The following BIN1 variants were observed in gnomAD, a reference collection of about 807,000 sequenced individuals.
BIN1 encodes the protein myc box-dependent-interacting protein 1.
In BIN1, 53 loss-of-function variants were observed where a neutral mutation model predicts 82.0. The observed-to-expected ratio is 0.65, with a 90% CI of 0.52 to 0.81. The LOEUF (loss-of-function observed/expected upper bound fraction) is 0.81. Among genes scored for constraint, BIN1 ranks in the 40% least tolerant of loss-of-function variants. The pLI is 0.00. For missense variants in BIN1, 642 were observed against 784.4 expected (o/e 0.82, Z 2.17); for synonymous variants, 302 against 328.0 (o/e 0.92, Z 0.86).
rs1267741868 is a variant in BIN1 at position 127,070,569 on chromosome 2, G to T, written c.299C>A (p.Ala100Glu). ...YEPDWPGRDE[A>E]NKIAENNDLL... ...CATGCTCACCTCTGCGATCTTGTTT[G>T]CCTCATCCCTGCCGGGCCAATCGGG... The change falls in exon 4 of 19, where the codon GCA becomes GAA. Residue 100 changes from alanine to glutamate, a missense_variant. Coordinates refer to ENST00000316724, the MANE Select transcript of BIN1 (RefSeq NM_139343.3). The T allele has an allele frequency of 6.2e-7, 1 of 1,614,094 alleles. No individual in the cohort carries two copies. Among genetic ancestry groups the T allele is most frequent in the South Asian group, 1.1e-5 (1 of 91,074 alleles).
intron 1 of BIN1, among the ~76,000 whole-genome samples, chr2:127,098,822 G>A (rs1397313277): frequency 1.3e-5 from 2 of 152,236 alleles, no homozygotes; most frequent in African/African-American, 2.4e-5. Context: ...GCAGAGGACC[G>A]AGGCCAAGCC....
chr2:127,068,081 C>T lies in BIN1; in HGVS notation c.612+82G>A. The stretch of plus-strand genomic sequence containing the variant: ...TGCCCCAGCTGGGCTCAGATGCCAG[C>T]CCTGCATTCCACCGCAGGGCGAGAG... On this transcript the variant is annotated intron_variant, in intron 7 of 18. Coordinates refer to ENST00000316724, the MANE Select transcript of BIN1 (RefSeq NM_139343.3). The surrounding 1 kb of genome is among the most constrained non-coding windows in gnomAD (Gnocchi z 4.9). The T allele has an allele frequency of 7.1e-7, 1 of 1,408,064 alleles. No homozygotes were observed. The highest frequency in any genetic ancestry group is 9.9e-7 in the Non-Finnish European group (1 of 1,013,424). 87.2% of individuals were successfully genotyped at this position (1,408,064 alleles called of 1,614,324 possible). A position where few individuals can be genotyped will look rare whatever the true frequency, so the allele number is the denominator to read the frequency against.
At chr2:127,081,926 C>CG in intron 1 of BIN1, 1 of 1,260,024 alleles carries the variant, frequency 7.9e-7, no homozygotes, top group Non-Finnish European at 1.0e-6. Flanking sequence ...AGCCTGCGGT[C>CG]GGGGGCCACG....
rs1456419884 is a variant in BIN1, at chr2:127,067,802, C to A, written c.612+361G>T. Among the ~76,000 whole-genome samples the A allele has an allele frequency of 2.0e-5, 3 of 152,194 alleles. No homozygotes were observed. Among genetic ancestry groups the A allele is most frequent in the Non-Finnish European group, 1.5e-5 (1 of 68,046 alleles). The stretch of plus-strand genomic sequence containing the variant: ...CATGTGGCTTGAAGGACAGGCATGG[C>A]AGTACAGGGGCCTGATGATGTCGCC... On this transcript the variant is annotated intron_variant, in intron 7 of 18. Transcript: ENST00000316724. This position sits in a 1 kb window ranked among gnomAD's most constrained non-coding sequence, Gnocchi z 4.7.
intron 2 of BIN1, among the ~76,000 whole-genome samples, chr2:127,073,303 T>C (rs1444688477): frequency 6.6e-6 from 1 of 151,202 alleles, no homozygotes; most frequent in Non-Finnish European, 1.5e-5. Flanking sequence ...TACAGAGCAG[T>C]GTGTGTTTGC....
chr2:127,057,342 G>T lies in BIN1; in HGVS notation c.1131+131C>A. ...ATGATGGATGGAGGGAACAAAGGGT[G>T]AGAGAGGGAAACTGACACTCTCTCT... On this transcript the variant is annotated intron_variant, in intron 12 of 18. Coordinates refer to ENST00000316724, the MANE Select transcript of BIN1 (RefSeq NM_139343.3). The surrounding 1 kb of genome is among the most constrained non-coding windows in gnomAD (Gnocchi z 5.0). The T allele has an allele frequency of 8.0e-7, 1 of 1,249,312 alleles. No individual in the cohort carries two copies. The highest frequency in any genetic ancestry group is 1.1e-6 in the Non-Finnish European group (1 of 939,952). The allele number at this position is 1,249,312 out of a possible 1,614,324, so 77.4% of individuals were successfully genotyped here.
chr2:127,098,582 C>T (rs1679901598), intron 1 of BIN1, among the ~76,000 whole-genome samples: 1 of 151,756 alleles, frequency 6.6e-6, no homozygotes, highest in South Asian at 2.1e-4. Flanking sequence ...GTTGCTGTGA[C>T]CCCAATCCCA....
chr2:127,073,283 T>G (rs1284426815), intron 2 of BIN1, among the ~76,000 whole-genome samples: 1 of 152,142 alleles, frequency 6.6e-6, no homozygotes, highest in Admixed American at 6.5e-5. Context: ...CAGGGCAGCG[T>G]CCAGGCCAGT....
chr2:127,053,377 A>G (rs1250114836), intron 14 of BIN1, 45 bp downstream of exon 14: 1 of 1,612,644 alleles, frequency 6.2e-7, no homozygotes, highest in Non-Finnish European at 8.5e-7. Context: ...CATACGGAAG[A>G]GTGGCTCCCC....
At chr2:127,058,213 G>A (rs1359928763) in intron 11 of BIN1, among the ~76,000 whole-genome samples, 1 of 152,240 alleles carries the variant, frequency 6.6e-6, no homozygotes, top group Non-Finnish European at 1.5e-5. Context: ...TCATGCATCA[G>A]GTGATGACAG....
intron 2 of BIN1, among the ~76,000 whole-genome samples, chr2:127,074,868 AATTTTTGT>A (rs1686389007): frequency 6.6e-6 from 1 of 152,100 alleles, no homozygotes; most frequent in Admixed American, 6.5e-5. Flanking sequence ...ACGCCTGGCT[AATTTTTGT>A]ATTTTTAGTA....
chr2:127,089,064 G>A (rs1678570325), intron 1 of BIN1, among the ~76,000 whole-genome samples: 1 of 146,686 alleles, frequency 6.8e-6, no homozygotes, highest in Non-Finnish European at 1.5e-5. Flanking sequence ...ATAGCCTCAT[G>A]GTGGACCCCT....
intron 1 of BIN1, among the ~76,000 whole-genome samples, chr2:127,101,435 C>T (rs1251262158): frequency 6.6e-6 from 1 of 152,154 alleles, no homozygotes; most frequent in Non-Finnish European, 1.5e-5. Flanking sequence ...ACTCCTCCCG[C>T]ACGGGACACA....
chr2:127,062,116 T>A lies in BIN1; in HGVS notation c.856A>T (p.Ser286Cys). 1 of 1,606,316 alleles carries A rather than the reference T, an allele frequency of 6.2e-7. No individual in the cohort carries two copies. The change falls in exon 10 of 19, where the codon AGT (serine) becomes TGT (cysteine). Residue 286 changes from serine to cysteine, a missense_variant and splice_region_variant. Ser to Cys is a moderately radical substitution (Grantham distance 112). Transcript: ENST00000316724. Reference sequence around the variant, plus strand: ...CGCCAGGGCTCTCCCCGCACGCACCTGGGCTGGGCCTTGACCGTGAAGGTG... The same window carrying A: ...CGCCAGGGCTCTCCCCGCACGCACCAGGGCTGGGCCTTGACCGTGAAGGTG... ...SNTFTVKAQP[S>C]DNAPAKGNKS...
chr2:127,105,920 G>A (rs1681056722), intron 1 of BIN1, among the ~76,000 whole-genome samples: 1 of 152,252 alleles, frequency 6.6e-6, no homozygotes, highest in Non-Finnish European at 1.5e-5. Flanking sequence ...AGTGGCGTCA[G>A]CAGCTGGCGT....
At chr2:127,072,666 A>G (rs1219614371) in intron 2 of BIN1, among the ~76,000 whole-genome samples, 3 of 152,100 alleles carry the variant, frequency 2.0e-5, no homozygotes, top group Non-Finnish European at 4.4e-5. Flanking sequence ...CCCATAGAGT[A>G]GGGTGTATAA....
At chr2:127,079,944 C>T (rs1487000962) in intron 1 of BIN1, among the ~76,000 whole-genome samples, 1 of 152,236 alleles carries the variant, frequency 6.6e-6, no homozygotes, top group African/African-American at 2.4e-5. Context: ...GAGCCAGTCT[C>T]CCCACTCTGC....
chr2:127,087,320 G>A (rs895393594), intron 1 of BIN1, among the ~76,000 whole-genome samples: 1 of 152,208 alleles, frequency 6.6e-6, no homozygotes, highest in Admixed American at 6.5e-5. Context: ...CAGCTGGAAG[G>A]GAAGGCTCCC....
rs1023231347 is a variant in BIN1 at position 127,052,266 on chromosome 2, C to G, written c.1360G>C (p.Gly454Arg). The change falls in exon 15 of 19, where the codon GGG becomes CGG. Residue 454 changes from glycine (G) to arginine (R), a missense_variant. By Grantham distance (125) the Gly-to-Arg change is moderately radical. Coordinates refer to ENST00000316724, the MANE Select transcript of BIN1 (RefSeq NM_139343.3). ...VSWPSQTAEP[G>R]PAQPAEASEV... ...AGGTGGGCACTTACTTGGGCAGGCC[C>G]CGGCTCGGCCGTCTGGCTGGGCCAG... 1.3e-6 allele frequency: 2 copies of G among 1,573,546 alleles called. No individual in the cohort carries two copies. The highest frequency in any genetic ancestry group is 2.7e-5 in the African/African-American group (2 of 74,184).
Sources: gnomAD v4.1 joint callset for allele counts (sites outside exome capture counted in the v4.1 genomes callset) on GRCh38, gnomAD v4.1.1 for gene constraint, Gnocchi (gnomAD v3.1) non-coding constraint, MANE v1.5 for transcripts, NCBI Gene and HGNC (gene_info 2026-07-23, HGNC 2026-07-21) for gene names.